TYRP1: variants seen among roughly 807,000 people sequenced by gnomAD.
TYRP1 encodes tyrosinase related protein 1, also known as 5,6-dihydroxyindole-2-carboxylic acid oxidase.
In TYRP1, 49 loss-of-function variants were observed where a neutral mutation model predicts 42.8. That is an observed-to-expected ratio of 1.14 (90% CI 0.91 to 1.45). The LOEUF (loss-of-function observed/expected upper bound fraction) is 1.45, where lower values mean the gene tolerates loss of function less well. Ranked by LOEUF, TYRP1 falls within the 40% of genes most tolerant of loss-of-function variation. The probability of loss-of-function intolerance (pLI) is 0.00; values close to 1 mark genes in which losing one functional copy is unlikely to be tolerated. For missense variants in TYRP1, 848 were observed against 662.0 expected, an observed-to-expected ratio of 1.28 and a Z score of -3.08; for synonymous variants, 279 against 235.4, an observed-to-expected ratio of 1.19 and a Z score of -1.69.
At chr9:12,697,558 T>C (rs1297895176) in intron 3 of TYRP1, among the ~76,000 whole-genome samples, 1 of 152,094 alleles carries the variant, frequency 6.6e-6, no homozygotes, top group Non-Finnish European at 1.5e-5. Context: ...AGTGAAAAAG[T>C]AGAAATATAC....
At chr9:12,697,710 G>T (rs1818099988) in intron 3 of TYRP1, among the ~76,000 whole-genome samples, 2 of 152,140 alleles carry the variant, frequency 1.3e-5, no homozygotes, top group Non-Finnish European at 2.9e-5. Flanking sequence ...ATAAGCATGT[G>T]ATCTTGAGGC....
At chr9:12,706,442 G>C (rs1818259620) in intron 6 of TYRP1, among the ~76,000 whole-genome samples, 2 of 151,952 alleles carry the variant, frequency 1.3e-5, no homozygotes, top group African/African-American at 4.8e-5. Flanking sequence ...TTAACTTAAA[G>C]GTCATTGATG....
rs1484271994 is a variant in TYRP1 at position 12,702,427 on chromosome 9, A to G, written c.1070A>G (p.Asn357Ser). The G allele has an allele frequency of 2.5e-6, 4 of 1,612,692 alleles. No individual in the cohort carries two copies. Among genetic ancestry groups the G allele is most frequent in the Non-Finnish European group, 3.4e-6 (4 of 1,179,242 alleles). ...TCCAACTCTACAAACAGTTTCCGAA[A>G]CACAGTGGAAGGCAAGTAAATGAAA... ...FYSNSTNSFR[N>S]TVEGYSDPTG... The change falls in exon 5 of 8, where the codon AAC becomes AGC. Residue 357 changes from asparagine (N) to serine (S), a missense_variant. Asn to Ser is a conservative substitution (Grantham distance 46). Coordinates refer to ENST00000388918, the MANE Select transcript of TYRP1 (RefSeq NM_000550.3).
chr9:12,702,891 G>A (rs915077034), intron 5 of TYRP1, among the ~76,000 whole-genome samples: 4 of 151,992 alleles, frequency 2.6e-5, no homozygotes, highest in South Asian at 2.1e-4. Context: ...ATTTAGGTCC[G>A]TATTAACCTG....
Position 12,695,974 on chromosome 9 carries a change from G to A in TYRP1, c.708+137G>A. 4 of 890,410 alleles carry A rather than the reference G, an allele frequency of 4.5e-6. No homozygotes were observed. In the South Asian group the frequency reaches 6.7e-5, roughly 15 times the overall value. 55.2% of individuals were successfully genotyped at this position (890,410 alleles called of 1,614,324 possible). ...ATTTTATGTTACTAACCTGTCTTTG[G>A]CATTTCGTTTTCTCCTTATTTTGGT... On this transcript the variant is annotated intron_variant, in intron 3 of 7. Coordinates refer to ENST00000388918, the MANE Select transcript of TYRP1 (RefSeq NM_000550.3).
chr9:12,698,771 T>A, intron 4 of TYRP1, 116 bp downstream of exon 4: 2 of 1,002,312 alleles, frequency 2.0e-6, no homozygotes, highest in African/African-American at 1.6e-5. Context: ...CTACTTTTAT[T>A]ATAGAGTAAC....
In TYRP1 at chr9:12,710,045, T is replaced by G. The variant is rs1460850320; in HGVS notation, c.*863T>G. 6.6e-6 allele frequency: 1 copy of G among 151,808 alleles called. No individual in the cohort carries two copies. The highest frequency in any genetic ancestry group is 1.5e-5 in the Non-Finnish European group (1 of 67,824). 9.4% of individuals were successfully genotyped at this position (151,808 alleles called of 1,614,324 possible). ...AATTTAAATAGCATTATCTTATCATTTATCAGCCTTTTATGTATTTTCCAA... is the reference window on the plus strand; with the variant it reads ...AATTTAAATAGCATTATCTTATCATGTATCAGCCTTTTATGTATTTTCCAA... On this transcript the variant is annotated 3_prime_UTR_variant, in exon 8 of 8. Coordinates refer to ENST00000388918, the MANE Select transcript of TYRP1 (RefSeq NM_000550.3).
chr9:12,706,168 TAAC>T (rs1326406661), intron 6 of TYRP1, among the ~76,000 whole-genome samples: 1 of 152,054 alleles, frequency 6.6e-6, no homozygotes, highest in Non-Finnish European at 1.5e-5. Flanking sequence ...GTTTAGGAAT[TAAC>T]AAAACCAGCT....
intron 4 of TYRP1, among the ~76,000 whole-genome samples, chr9:12,700,855 G>A (rs994875561): frequency 2.0e-5 from 3 of 151,952 alleles, no homozygotes; most frequent in Non-Finnish European, 4.4e-5. Flanking sequence ...GGGTGATAAT[G>A]TACACTCAAT....
intron 7 of TYRP1, 51 bp from the exon 8 acceptor site, chr9:12,708,926 G>GAT (rs1818306519): frequency 1.3e-6 from 2 of 1,497,674 alleles, no homozygotes. Flanking sequence ...ACTTTTTGGT[G>GAT]ATAACTATTT....
intron 7 of TYRP1, among the ~76,000 whole-genome samples, chr9:12,708,612 G>C (rs1441411482): frequency 6.6e-6 from 1 of 151,986 alleles, no homozygotes; most frequent in East Asian, 1.9e-4. Context: ...AAAGTTTTTT[G>C]TTTAAATCTT....
At chr9:12,701,141 C>A (rs966477820) in intron 4 of TYRP1, among the ~76,000 whole-genome samples, 2 of 151,914 alleles carry the variant, frequency 1.3e-5, no homozygotes, top group Non-Finnish European at 2.9e-5. Context: ...ATCACCTCTC[C>A]TCCCACCCAT....
intron 5 of TYRP1, among the ~76,000 whole-genome samples, chr9:12,703,251 CA>C (rs993639931): frequency 6.6e-6 from 1 of 151,774 alleles, no homozygotes; most frequent in African/African-American, 2.4e-5. Flanking sequence ...CCCATCTCCC[CA>C]AAAAATGCAA....
In TYRP1 at chr9:12,694,318, C is replaced by T. The variant is rs760648388; in HGVS notation, c.322C>T (p.His108Tyr). ...TCHCNGNFSGHNCGTCRPGWR... is the reference protein window; with the variant it reads ...TCHCNGNFSGYNCGTCRPGWR... Reference sequence around the variant, plus strand: ...TCACTGCAACGGCAATTTCTCAGGACACAACTGTGGGACGTGCCGTCCTGG... The same window carrying T: ...TCACTGCAACGGCAATTTCTCAGGATACAACTGTGGGACGTGCCGTCCTGG... Residue 108 changes from histidine (H) to tyrosine (Y), a missense_variant, in exon 2 of 8, where the codon CAC becomes TAC. Transcript: ENST00000388918. 1.9e-6 allele frequency: 3 copies of T among 1,614,060 alleles called. No homozygotes were observed. Among genetic ancestry groups the T allele is most frequent in the South Asian group, 1.1e-5 (1 of 91,056 alleles).
Position 12,709,315 on chromosome 9 carries a change from C to G in TYRP1, c.*133C>G, listed in dbSNP as rs960865254. 1 of 922,358 alleles carries G rather than the reference C, an allele frequency of 1.1e-6. No individual in the cohort carries two copies. 57.1% of individuals were successfully genotyped at this position (922,358 alleles called of 1,614,324 possible). On this transcript the variant is annotated 3_prime_UTR_variant, in exon 8 of 8. Coordinates refer to ENST00000388918, the MANE Select transcript of TYRP1 (RefSeq NM_000550.3). ...ACAAGCATATGTTAGCATTAAAGTTCTAGGCATACTTTTCAAAGCTGGGAA... is the reference window on the plus strand; with the variant it reads ...ACAAGCATATGTTAGCATTAAAGTTGTAGGCATACTTTTCAAAGCTGGGAA...
In TYRP1 at chr9:12,708,957, T is replaced by TTAA. The variant is rs763945828; in HGVS notation, c.1409-18_1409-17insATA. 34 of 1,560,098 alleles carry TTAA rather than the reference T, an allele frequency of 2.2e-5. No homozygotes were observed. The highest frequency in any genetic ancestry group is 2.8e-5 in the Non-Finnish European group (32 of 1,141,214). On this transcript the variant is annotated intron_variant, in intron 7 of 7. Coordinates refer to ENST00000388918, the MANE Select transcript of TYRP1 (RefSeq NM_000550.3). ...TATTTTAATATTTGTCTTTTTATTT[T>TTAA]TATCTTCCTTTCCAAATAGGTCGGG...
chr9:12,703,420 TA>T (rs201447946), intron 5 of TYRP1, among the ~76,000 whole-genome samples: 18 of 151,774 alleles, frequency 1.2e-4, no homozygotes, highest in East Asian at 7.8e-4. Context: ...TATGATTCAA[TA>T]AAAAAAATCA....
At chr9:12,697,647 A>G (rs1392564043) in intron 3 of TYRP1, among the ~76,000 whole-genome samples, 1 of 152,170 alleles carries the variant, frequency 6.6e-6, no homozygotes, top group Non-Finnish European at 1.5e-5. Flanking sequence ...TTCTCAAGGC[A>G]CCAAAGAAAT....
intron 3 of TYRP1, among the ~76,000 whole-genome samples, chr9:12,698,105 G>A (rs1400630606): frequency 2.6e-5 from 4 of 152,026 alleles, no homozygotes; most frequent in African/African-American, 9.7e-5. Context: ...ATGCCAAGAA[G>A]TGGATGTTGT....
Sources: gnomAD v4.1 joint callset for allele counts (sites outside exome capture counted in the v4.1 genomes callset) on GRCh38, gnomAD v4.1.1 for gene constraint, MANE v1.5 for transcripts, NCBI Gene and HGNC (gene_info 2026-07-23, HGNC 2026-07-21) for gene names.